Variants in HTATIP2 observed in about 807,000 individuals in gnomAD.
HTATIP2 encodes the protein HIV-1 Tat interactive protein 2, also known as protein HTATIP2.
In HTATIP2, 26 loss-of-function variants were observed where a neutral mutation model predicts 24.7. The ratio of observed to expected loss-of-function variants is 1.05; its 90% CI spans 0.77 to 1.46. The LOEUF (loss-of-function observed/expected upper bound fraction) is 1.46. HTATIP2 is among the 40% of genes most tolerant of loss of function. HTATIP2 has a pLI of 0.00. For synonymous variants in HTATIP2, 99 were observed against 113.2 expected, an observed-to-expected ratio of 0.87 and a Z score of 0.79; for missense variants, 284 against 289.6, an observed-to-expected ratio of 0.98 and a Z score of 0.14.
In HTATIP2 at chr11:20,383,477, A is replaced by T. The variant is rs183794581; in HGVS notation, c.*272A>T. The stretch of plus-strand genomic sequence containing the variant: ...TGGGGTGTGGGCACAATAATCTGTA[A>T]TTTTCTTTGTTTATACTTCCCCTGA... On this transcript the variant is annotated 3_prime_UTR_variant, in exon 5 of 5. Coordinates refer to ENST00000451739, the MANE Select transcript of HTATIP2 (RefSeq NM_001098522.2). The T allele has an allele frequency of 1.5e-5, 6 of 408,960 alleles. No individual in the cohort carries two copies. The South Asian group carries it at 2.2e-4, about 15-fold the overall frequency. The allele number at this position is 408,960 out of a possible 1,614,324, so 25.3% of individuals were successfully genotyped here.
At chr11:20,367,964 T>A (rs1210792015) in intron 2 of HTATIP2, among the ~76,000 whole-genome samples, 1 of 152,218 alleles carries the variant, frequency 6.6e-6, no homozygotes, top group African/African-American at 2.4e-5. Flanking sequence ...GGGTACATCT[T>A]ATTTAATTTA....
At chr11:20,374,111 T>C (rs1257111316) in intron 2 of HTATIP2, among the ~76,000 whole-genome samples, 2 of 152,118 alleles carry the variant, frequency 1.3e-5, no homozygotes, top group Non-Finnish European at 2.9e-5. Flanking sequence ...AAAATGTACT[T>C]GTGAGTGATG....
chr11:20,380,738 A>T (rs1848508227), intron 3 of HTATIP2, among the ~76,000 whole-genome samples: 3 of 151,996 alleles, frequency 2.0e-5, no homozygotes, highest in Admixed American at 2.0e-4. Flanking sequence ...GACTGTTCAT[A>T]GCAGCATTAT....
intron 2 of HTATIP2, among the ~76,000 whole-genome samples, chr11:20,373,544 G>A (rs535335215): frequency 2.0e-5 from 3 of 151,980 alleles, no homozygotes; most frequent in Non-Finnish European, 2.9e-5. Flanking sequence ...TTAAAGAAAC[G>A]GATGAAAGAA....
At chr11:20,371,517 C>G (rs555098104) in intron 2 of HTATIP2, among the ~76,000 whole-genome samples, 2 of 152,266 alleles carry the variant, frequency 1.3e-5, no homozygotes, top group Admixed American at 1.3e-4. Context: ...CTGCAGCCTC[C>G]ACCTACCCAG....
chr11:20,364,557 C>T, intron 1 of HTATIP2, 125 bp downstream of exon 1: 1 of 798,566 alleles, frequency 1.3e-6, no homozygotes, highest in Non-Finnish European at 1.9e-6. Context: ...AAAACTTGGC[C>T]AAGATTGGTC....
intron 1 of HTATIP2, among the ~76,000 whole-genome samples, chr11:20,365,124 C>T (rs1483785320): frequency 1.3e-5 from 2 of 151,976 alleles, no homozygotes; most frequent in African/African-American, 4.8e-5. Context: ...ACTGGAACTA[C>T]AGGCGTGCGT....
At chr11:20,375,380 T>C (rs1032608976) in intron 2 of HTATIP2, among the ~76,000 whole-genome samples, 1 of 152,188 alleles carries the variant, frequency 6.6e-6, no homozygotes, top group Non-Finnish European at 1.5e-5. Context: ...AAGACCAGCC[T>C]CGCTAACGTG....
Position 20,363,792 on chromosome 11 carries a change from A to T in HTATIP2, c.-446A>T. The stretch of plus-strand genomic sequence containing the variant: ...CGCCTCCAACCCCCCCGGTCCGACC[A>T]GGGAAGGTGGGATGCTCTGATGGCC... On this transcript the variant is annotated 5_prime_UTR_variant, in exon 1 of 5. Transcript: ENST00000451739. 8.0e-7 allele frequency: 1 copy of T among 1,242,780 alleles called. No individual in the cohort carries two copies. 77.0% of individuals were successfully genotyped at this position (1,242,780 alleles called of 1,614,324 possible).
rs558548051 is a variant in HTATIP2 at position 20,383,535 on chromosome 11, C to A, written c.*330C>A. On this transcript the variant is annotated 3_prime_UTR_variant, in exon 5 of 5. Transcript: ENST00000451739. ...GGTTCCGATGCCACTGGCTGGGGGG[C>A]CTGCTTTGAAATGCTTGTCTGCAGA... 4 of 266,420 alleles carry A rather than the reference C, an allele frequency of 1.5e-5. No homozygotes were observed. The highest frequency in any genetic ancestry group is 1.2e-4 in the South Asian group (2 of 16,688). The allele number at this position is 266,420 out of a possible 1,614,324, so 16.5% of individuals were successfully genotyped here. A position where few individuals can be genotyped will look rare whatever the true frequency, so the allele number is the denominator to read the frequency against.
intron 3 of HTATIP2, among the ~76,000 whole-genome samples, chr11:20,379,563 A>G (rs1047893114): frequency 2.6e-5 from 4 of 152,050 alleles, no homozygotes; most frequent in African/African-American, 9.7e-5. Flanking sequence ...TGAAGTTTCA[A>G]TTGCATTCAT....
chr11:20,363,853 T>TCTGGCGGCCGCC lies in HTATIP2; in HGVS notation c.-381_-370dup. 3 of 1,244,294 alleles carry TCTGGCGGCCGCC rather than the reference T, an allele frequency of 2.4e-6. No homozygotes were observed. The highest frequency in any genetic ancestry group is 3.0e-6 in the Non-Finnish European group (3 of 991,208). The allele number at this position is 1,244,294 out of a possible 1,614,324, so 77.1% of individuals were successfully genotyped here. ...CGCTGAGCGCGGCGGCGGCGGCTGCTCTGGCGGCCGCCCTGCTCCTGCTGC... is the reference window on the plus strand; with the variant it reads ...CGCTGAGCGCGGCGGCGGCGGCTGCTCTGGCGGCCGCCCTGGCGGCCGCCCTGCTCCTGCTGC... On this transcript the variant is annotated 5_prime_UTR_variant, in exon 1 of 5. Transcript: ENST00000451739.
At position 20,373,613 on chromosome 11, in the gene HTATIP2, C is replaced by CA. The variant is rs200957214; in HGVS notation, c.304-2965dup. Among the ~76,000 whole-genome samples the CA allele has an allele frequency of 1.1e-3, 164 of 151,218 alleles. 1 individual carries two copies. Among genetic ancestry groups the CA allele is most frequent in the African/African-American group, 3.7e-3 (151 of 41,360 alleles). ...CCAATCAATCTTGCTAAAACAACAA[C>CA]AACAAAAAAACTGAATTTATTTCAC... On this transcript the variant is annotated intron_variant, in intron 2 of 4. Transcript: ENST00000451739.
intron 3 of HTATIP2, among the ~76,000 whole-genome samples, chr11:20,379,305 G>T (rs1848487770): frequency 6.6e-6 from 1 of 152,168 alleles, no homozygotes; most frequent in African/African-American, 2.4e-5. Flanking sequence ...TGCAGCCTGG[G>T]ATTATGAATT....
At chr11:20,378,899 C>T (rs942470749) in intron 3 of HTATIP2, among the ~76,000 whole-genome samples, 5 of 152,034 alleles carry the variant, frequency 3.3e-5, no homozygotes, top group African/African-American at 1.2e-4. Context: ...TTAACTGGCA[C>T]AGTGGTGTAT....
rs1848548757 is a variant in HTATIP2, at chr11:20,383,176, G to A, written c.700G>A (p.Gly234Arg). 5.6e-6 allele frequency: 9 copies of A among 1,613,836 alleles called. No homozygotes were observed. The highest frequency in any genetic ancestry group is 6.8e-6 in the Non-Finnish European group (8 of 1,179,906). Residue 234 changes from glycine (G) to arginine (R), a missense_variant, in exon 5 of 5, where the codon GGG becomes AGG. Coordinates refer to ENST00000451739, the MANE Select transcript of HTATIP2 (RefSeq NM_001098522.2). ...LLENKAIHDL[G>R]KAHGSLKP ...GGAGAACAAGGCCATCCATGACCTG[G>A]GGAAAGCGCATGGCTCTCTCAAGCC...
chr11:20,379,267 G>C (rs1382283094), intron 3 of HTATIP2, among the ~76,000 whole-genome samples: 1 of 152,186 alleles, frequency 6.6e-6, no homozygotes, highest in Non-Finnish European at 1.5e-5. Context: ...AGACACTTCT[G>C]ATTTCACTGC....
intron 2 of HTATIP2, 40 bp downstream of exon 2, chr11:20,367,321 G>A: frequency 6.2e-7 from 1 of 1,613,234 alleles, no homozygotes; most frequent in Non-Finnish European, 8.5e-7. Flanking sequence ...TTGCTGGCCA[G>A]TAATATCAAG....
chr11:20,366,010 CTG>C (rs1251004568), intron 1 of HTATIP2, among the ~76,000 whole-genome samples: 1 of 147,886 alleles, frequency 6.8e-6, no homozygotes, highest in African/African-American at 2.5e-5. Flanking sequence ...AAATTGAAAT[CTG>C]TGTTTTGAGT....
Sources: gnomAD v4.1 joint callset for allele counts (sites outside exome capture counted in the v4.1 genomes callset) on GRCh38, gnomAD v4.1.1 for gene constraint, MANE v1.5 for transcripts, NCBI Gene and HGNC (gene_info 2026-07-23, HGNC 2026-07-21) for gene names.